Variants in GPC6 observed in about 807,000 individuals in gnomAD.
The protein encoded by GPC6 is glypican-6.
GPC6 carries 14 observed loss-of-function variants against 55.2 expected under a neutral mutation model. That is an observed-to-expected ratio of 0.25 (90% CI 0.17 to 0.40). The LOEUF (loss-of-function observed/expected upper bound fraction) is 0.40, where lower values mean the gene tolerates loss of function less well. Among genes scored for constraint, GPC6 ranks in the 10% least tolerant of loss-of-function variants. The pLI, the probability that GPC6 is intolerant of heterozygous loss-of-function variation, is 1.00. For missense variants in GPC6, 641 were observed against 708.5 expected, an observed-to-expected ratio of 0.90 and a Z score of 1.08; for synonymous variants, 278 against 259.6, an observed-to-expected ratio of 1.07 and a Z score of -0.68.
chr13:93,355,679 C>T (rs1391050957), intron 1 of GPC6, among the ~76,000 whole-genome samples: 2 of 152,118 alleles, frequency 1.3e-5, no homozygotes, highest in African/African-American at 4.8e-5. Context: ...GGAACTAGAA[C>T]TATGCTGTAA....
rs564832323 is a variant in GPC6 at position 93,901,912 on chromosome 13, A to C, written c.711+71367A>C. ...TGAGATTCCATTAAAAAAAAAAAAA[A>C]AAAAAACTTTTAAAGTGTTTTCATT... is the stretch of plus-strand genomic sequence containing the variant. On this transcript the variant is annotated intron_variant, in intron 3 of 8. Coordinates refer to ENST00000377047, the MANE Select transcript of GPC6 (RefSeq NM_005708.5). Among the ~76,000 whole-genome samples, 92 of 152,050 alleles carry C rather than the reference A, an allele frequency of 6.1e-4. 1 individual carries two copies. Among genetic ancestry groups the C allele is most frequent in the Non-Finnish European group, 9.1e-4 (62 of 67,988 alleles).
intron 4 of GPC6, among the ~76,000 whole-genome samples, chr13:94,258,854 A>G (rs1212960539): frequency 6.6e-6 from 1 of 152,210 alleles, no homozygotes; most frequent in African/African-American, 2.4e-5. Context: ...CTGTTCTGGT[A>G]TCCTCAGGCT....
At chr13:94,324,218 A>AG (rs143807320) in intron 6 of GPC6, among the ~76,000 whole-genome samples, 12,689 of 151,324 alleles carry the variant, frequency 0.084, 1,823 homozygotes, top group African/African-American at 0.29. Flanking sequence ...ACAGAGAGGC[A>AG]GGGGACCCAT....
At chr13:93,687,337 G>T (rs1031078326) in intron 2 of GPC6, among the ~76,000 whole-genome samples, 3 of 152,014 alleles carry the variant, frequency 2.0e-5, no homozygotes, top group Admixed American at 1.3e-4. Flanking sequence ...AAAAGTAATT[G>T]CAGTTGTTGC....
At chr13:93,520,699 A>G (rs1468482491) in intron 1 of GPC6, among the ~76,000 whole-genome samples, 7 of 151,982 alleles carry the variant, frequency 4.6e-5, no homozygotes, top group African/African-American at 1.7e-4. Context: ...TGGAGTATAG[A>G]TAAAGTAGAA....
intron 4 of GPC6, among the ~76,000 whole-genome samples, chr13:94,043,175 T>A (rs1263418960): frequency 6.6e-6 from 1 of 151,782 alleles, no homozygotes; most frequent in Non-Finnish European, 1.5e-5. Context: ...AACCTACCTG[T>A]TCTCCGGGGA....
At chr13:94,117,210 A>AT (rs1191742677) in intron 4 of GPC6, among the ~76,000 whole-genome samples, 1 of 152,140 alleles carries the variant, frequency 6.6e-6, no homozygotes, top group Non-Finnish European at 1.5e-5. Context: ...AAAATCACTC[A>AT]TTATGGACTC....
intron 1 of GPC6, among the ~76,000 whole-genome samples, chr13:93,228,173 A>G (rs1391465726): frequency 6.6e-6 from 1 of 152,038 alleles, no homozygotes; most frequent in Non-Finnish European, 1.5e-5. Context: ...GGGGGCGGGC[A>G]AGGCTGGGAG....
At chr13:93,420,351 T>A (rs2139258379) in intron 1 of GPC6, among the ~76,000 whole-genome samples, 1 of 152,280 alleles carries the variant, frequency 6.6e-6, no homozygotes. Context: ...CTATTTGAAC[T>A]GAGTCCTGAT....
intron 4 of GPC6, among the ~76,000 whole-genome samples, chr13:94,067,740 G>A (rs1425779957): frequency 2.0e-5 from 3 of 152,158 alleles, no homozygotes; most frequent in Non-Finnish European, 4.4e-5. Flanking sequence ...GCTAAAAAAT[G>A]TGAGTAGAGA....
intron 3 of GPC6, among the ~76,000 whole-genome samples, chr13:93,894,129 T>G (rs145151766): frequency 6.6e-6 from 1 of 152,352 alleles, no homozygotes; most frequent in African/African-American, 2.4e-5. Flanking sequence ...TCTGGAAAAC[T>G]AAATTATTGC....
intron 1 of GPC6, among the ~76,000 whole-genome samples, chr13:93,336,706 T>C (rs1393192069): frequency 3.9e-5 from 6 of 152,162 alleles, no homozygotes; most frequent in East Asian, 1.9e-4. Flanking sequence ...GGTTACTAGG[T>C]AGACTGTGAC....
At chr13:93,895,888 A>C (rs1227482391) in intron 3 of GPC6, among the ~76,000 whole-genome samples, 1 of 152,040 alleles carries the variant, frequency 6.6e-6, no homozygotes, top group Non-Finnish European at 1.5e-5. Flanking sequence ...TGGGAAGAGC[A>C]GTGGAGATGG....
chr13:93,252,190 G>A (rs1876808937), intron 1 of GPC6, among the ~76,000 whole-genome samples: 1 of 152,182 alleles, frequency 6.6e-6, no homozygotes. Flanking sequence ...GGAAATGCAG[G>A]TGCTGGTGTT....
At chr13:93,623,646 G>T (rs926323745) in intron 2 of GPC6, among the ~76,000 whole-genome samples, 1 of 151,762 alleles carries the variant, frequency 6.6e-6, no homozygotes, top group Non-Finnish European at 1.5e-5. Flanking sequence ...TTTTAGTAGA[G>T]GCAGGGTTTC....
At chr13:93,924,931 G>A (rs143215980) in intron 3 of GPC6, among the ~76,000 whole-genome samples, 19 of 152,078 alleles carry the variant, frequency 1.2e-4, no homozygotes, top group East Asian at 5.8e-4. Flanking sequence ...GCTCATTAAC[G>A]TATTATTACA....
At chr13:94,148,055 A>G (rs1180874344) in intron 4 of GPC6, among the ~76,000 whole-genome samples, 1 of 152,176 alleles carries the variant, frequency 6.6e-6, no homozygotes, top group Non-Finnish European at 1.5e-5. Flanking sequence ...GTGTGTGTAT[A>G]TATATTGCCA....
chr13:94,361,396 T>C (rs934709348), intron 6 of GPC6, among the ~76,000 whole-genome samples: 4 of 152,248 alleles, frequency 2.6e-5, no homozygotes, highest in Non-Finnish European at 5.9e-5. Flanking sequence ...CATTTTCATT[T>C]TGCACTGGGC....
At chr13:94,165,382 G>A (rs898009717) in intron 4 of GPC6, among the ~76,000 whole-genome samples, 3 of 151,744 alleles carry the variant, frequency 2.0e-5, no homozygotes, top group Non-Finnish European at 2.9e-5. Flanking sequence ...TCTAAGTGAA[G>A]TAACTCAGGA....
Sources: gnomAD v4.1 joint callset for allele counts (sites outside exome capture counted in the v4.1 genomes callset) on GRCh38, gnomAD v4.1.1 for gene constraint, MANE v1.5 for transcripts, NCBI Gene and HGNC (gene_info 2026-07-23, HGNC 2026-07-21) for gene names.